ZNF575: variants seen among roughly 807,000 people sequenced by gnomAD.
ZNF575 encodes zinc finger protein 575.
ZNF575 carries 17 observed loss-of-function variants against 17.5 expected under a neutral mutation model. That is an observed-to-expected ratio of 0.97 (90% confidence interval 0.66 to 1.45). ZNF575 has a LOEUF of 1.45. Among genes scored for constraint, ZNF575 ranks in the 40% most tolerant of loss-of-function variants. ZNF575 has a pLI of 0.00. For missense variants in ZNF575, 352 were observed against 359.2 expected (o/e 0.98, Z 0.16); for synonymous variants, 146 against 158.3 (o/e 0.92, Z 0.58).
In ZNF575 at chr19:43,534,396, C is replaced by T; in HGVS notation, c.-27C>T. ...ACCGGCGTCACCCCCGCCCCGCGCC[C>T]TGCCCCTAGGTTCCTGTGCCAGCAA... On this transcript the variant is annotated 5_prime_UTR_variant, in exon 3 of 4. Transcript: ENST00000314228. The T allele has an allele frequency of 1.3e-6, 2 of 1,549,222 alleles. No homozygotes were observed. Among genetic ancestry groups the T allele is most frequent in the Non-Finnish European group, 1.7e-6 (2 of 1,147,980 alleles).
chr19:43,534,251 G>A, intron 2 of ZNF575, 86 bp from the exon 3 acceptor site: 1 of 614,468 alleles, frequency 1.6e-6, no homozygotes, highest in Non-Finnish European at 2.8e-6. Context: ...GTGCTCTTAG[G>A]CTCCGCCTCC....
upstream of ZNF575, among the ~76,000 whole-genome samples, chr19:43,531,628 C>A (rs1972345520): frequency 6.6e-6 from 1 of 152,058 alleles, no homozygotes; most frequent in Non-Finnish European, 1.5e-5. Context: ...CAAACTAATA[C>A]AATGTGTGGA....
At chr19:43,531,791 CT>C (rs200306257), upstream of ZNF575, 411 of 660,018 alleles carry the variant, frequency 6.2e-4, 1 homozygote, top group South Asian at 1.2e-3. Flanking sequence ...ATTTTAAAAA[CT>C]TTTTTTTTAA....
rs1252431713 is a variant in ZNF575, at chr19:43,535,118, C to G, written c.169C>G (p.Pro57Ala). Residue 57 changes from proline to alanine, a missense_variant, in exon 4 of 4, where the codon CCC (proline) becomes GCC (alanine). Pro to Ala is a conservative substitution (Grantham distance 27). Transcript: ENST00000314228. ...CTCGCCTCCCCGGCCTCGCCGGCGG[C>G]CCCCGCCCCAGCGCCCGCACCGCTG... ...AGSPPRPRRR[P>A]PPQRPHRCPD... The G allele has an allele frequency of 1.3e-6, 2 of 1,536,328 alleles. 1 individual carries two copies. The highest frequency in any genetic ancestry group is 1.7e-6 in the Non-Finnish European group (2 of 1,144,802).
chr19:43,531,000 T>A (rs1408239194), upstream of ZNF575, among the ~76,000 whole-genome samples: 1 of 151,788 alleles, frequency 6.6e-6, no homozygotes, highest in Non-Finnish European at 1.5e-5. Flanking sequence ...CCCTAGAGGT[T>A]GGGCGCGGTG....
chr19:43,535,751 A>G lies in ZNF575; in HGVS notation c.*64A>G. 6.7e-7 allele frequency: 1 copy of G among 1,491,408 alleles called. No individual in the cohort carries two copies. The allele number at this position is 1,491,408 out of a possible 1,614,324, so 92.4% of individuals were successfully genotyped here. ...CTAGCCAGTAAGAGGTGGGATTTCT[A>G]AGACCGACTGTATGAGCTCGCCTCT... On this transcript the variant is annotated 3_prime_UTR_variant, in exon 4 of 4. Coordinates refer to ENST00000314228, the MANE Select transcript of ZNF575 (RefSeq NM_174945.3).
chr19:43,531,684 T>C (rs566883024), upstream of ZNF575: 15 of 461,792 alleles, frequency 3.2e-5, no homozygotes, highest in South Asian at 5.3e-4. Context: ...AATAAAAAGA[T>C]ATTTATGAGA....
chr19:43,531,960 T>C, upstream of ZNF575: 1 of 503,616 alleles, frequency 2.0e-6, no homozygotes, highest in Non-Finnish European at 3.5e-6. Flanking sequence ...TTTTTTTTTT[T>C]TTTTTTTTTA....
chr19:43,531,941 A>AATTTTTTTTTT, upstream of ZNF575: 1 of 173,012 alleles, frequency 5.8e-6, no homozygotes, highest in Non-Finnish European at 1.1e-5. Context: ...ATTAAGCCAG[A>AATTTTTTTTTT]CTTTTTTTTT....
chr19:43,536,061 T>C lies in ZNF575; in HGVS notation c.*374T>C, dbSNP rs1028230481. ...TGGCCATATGACGGTATCTAAGAAA[T>C]TGAAAATACATACATGCTTGTCTCA... On this transcript the variant is annotated 3_prime_UTR_variant, in exon 4 of 4. Coordinates refer to ENST00000314228, the MANE Select transcript of ZNF575 (RefSeq NM_174945.3). 5 of 241,832 alleles carry C rather than the reference T, an allele frequency of 2.1e-5. No homozygotes were observed. Among genetic ancestry groups the C allele is most frequent in the South Asian group, 7.6e-5 (1 of 13,140 alleles). 15.0% of individuals were successfully genotyped at this position (241,832 alleles called of 1,614,324 possible). A position where few individuals can be genotyped will look rare whatever the true frequency, so the allele number is the denominator to read the frequency against.
At chr19:43,531,700 TG>T, upstream of ZNF575, 1 of 484,902 alleles carries the variant, frequency 2.1e-6, no homozygotes, top group East Asian at 3.4e-5. Flanking sequence ...TGAGATATGA[TG>T]TTTGACATTT....
upstream of ZNF575, among the ~76,000 whole-genome samples, chr19:43,532,494 G>A (rs1290088987): frequency 6.6e-6 from 1 of 152,182 alleles, no homozygotes; most frequent in East Asian, 1.9e-4. Context: ...TTTTATAGAT[G>A]AGGAAACAGG....
chr19:43,534,527 G>A (rs530054477), intron 3 of ZNF575, 26 bp downstream of exon 3: 11 of 1,420,668 alleles, frequency 7.7e-6, no homozygotes, highest in South Asian at 6.4e-5. Flanking sequence ...CTGTGAGTAG[G>A]GAGCATTCTC....
upstream of ZNF575, among the ~76,000 whole-genome samples, chr19:43,531,285 C>T (rs773850139): frequency 6.1e-5 from 9 of 147,592 alleles, no homozygotes; most frequent in Admixed American, 1.4e-4. Context: ...AGCAAGACTC[C>T]GTGCAAAAAA....
chr19:43,531,939 A>AT, upstream of ZNF575: 1 of 224,724 alleles, frequency 4.4e-6, no homozygotes. Context: ...CCATTAAGCC[A>AT]GACTTTTTTT....
chr19:43,534,273 G>A, intron 2 of ZNF575, 64 bp from the exon 3 acceptor site: 1 of 720,094 alleles, frequency 1.4e-6, no homozygotes, highest in Admixed American at 2.8e-5. Flanking sequence ...CGCTAAGCCT[G>A]CCCCCGCCTT....
At position 43,535,054 on chromosome 19, in the gene ZNF575, G is replaced by A. The variant is rs1882642382; in HGVS notation, c.105G>A (p.Lys35=). ...CTCCCCACCAGGGCCCACCGCAGAAGCCCAGCCAGTCAGCTCCAGGGCCCA... is the reference window on the plus strand; with the variant it reads ...CTCCCCACCAGGGCCCACCGCAGAAACCCAGCCAGTCAGCTCCAGGGCCCA... ...KEAPHQGPPQ[K]PSQSAPGPTA... is the part of the protein sequence containing the mutation. Residue 35 remains lysine, a synonymous_variant, in exon 4 of 4, where the codon AAG becomes AAA. Transcript: ENST00000314228. 1 of 1,484,726 alleles carries A rather than the reference G, an allele frequency of 6.7e-7. No individual in the cohort carries two copies. The highest frequency in any genetic ancestry group is 8.9e-7 in the Non-Finnish European group (1 of 1,127,982). The allele number at this position is 1,484,726 out of a possible 1,614,324, so 92.0% of individuals were successfully genotyped here. A position where few individuals can be genotyped will look rare whatever the true frequency, so the allele number is the denominator to read the frequency against.
chr19:43,531,804 G>C (rs192576389), upstream of ZNF575: 562 of 678,840 alleles, frequency 8.3e-4, 2 homozygotes, highest in African/African-American at 8.8e-3. Flanking sequence ...TTTTTTTAAA[G>C]ATACGGGGTA....
intron 2 of ZNF575, 73 bp from the exon 3 acceptor site, chr19:43,534,264 G>C: frequency 1.5e-6 from 1 of 675,954 alleles, no homozygotes; most frequent in Non-Finnish European, 2.4e-6. Flanking sequence ...CCGCCTCCCC[G>C]CTAAGCCTGC....
Sources: gnomAD v4.1 joint callset for allele counts (sites outside exome capture counted in the v4.1 genomes callset) on GRCh38, gnomAD v4.1.1 for gene constraint, MANE v1.5 for transcripts, NCBI Gene and HGNC (gene_info 2026-07-23, HGNC 2026-07-21) for gene names.